Variants in PCNX2 observed in about 807,000 individuals in gnomAD.
The protein encoded by PCNX2 is pecanex-like protein 2.
A neutral mutation model predicts 223.8 loss-of-function variants in PCNX2; 168 were observed. That is an observed-to-expected ratio of 0.75 (90% CI 0.66 to 0.85). PCNX2 has a LOEUF of 0.85. Ranked by LOEUF, PCNX2 falls within the 40% of genes least tolerant of loss-of-function variation. The pLI is 0.00. For synonymous variants in PCNX2, 1,006 were observed against 1,052.6 expected, an observed-to-expected ratio of 0.96 and a Z score of 0.86; for missense variants, 2,507 against 2,675.5, an observed-to-expected ratio of 0.94 and a Z score of 1.39.
intron 25 of PCNX2, among the ~76,000 whole-genome samples, chr1:233,040,729 T>C (rs1207631782): frequency 1.2e-4 from 19 of 152,092 alleles, no homozygotes; most frequent in Non-Finnish European, 2.1e-4. Context: ...TCAATATACA[T>C]AGAGATGCTC....
the PCNX2 span, among the ~76,000 whole-genome samples, chr1:233,321,513 G>A: frequency 3.9e-5 from 6 of 152,132 alleles, no homozygotes; most frequent in Non-Finnish European, 7.3e-5. Context: ...GGCCAGGCTG[G>A]TCTGGAACTT....
intron 15 of PCNX2, among the ~76,000 whole-genome samples, chr1:233,195,808 T>C (rs1680693521): frequency 6.6e-6 from 1 of 152,202 alleles, no homozygotes. Flanking sequence ...CAATATACCA[T>C]GTTCATGGAT....
chr1:233,175,617 T>C (rs1679434384), intron 17 of PCNX2, among the ~76,000 whole-genome samples: 1 of 152,186 alleles, frequency 6.6e-6, no homozygotes, highest in African/African-American at 2.4e-5. Context: ...TGTAGGAATG[T>C]CAGTTTGACC....
chr1:233,293,209 A>G (rs1661872033), intron 1 of PCNX2, among the ~76,000 whole-genome samples: 1 of 152,328 alleles, frequency 6.6e-6, no homozygotes, highest in African/African-American at 2.4e-5. Context: ...GCAGGAACAC[A>G]ACATTAAATG....
chr1:233,225,135 AAAAT>A lies in PCNX2; in HGVS notation c.2504+2087_2504+2090del, dbSNP rs1388043073. On this transcript the variant is annotated intron_variant, in intron 10 of 33. Coordinates refer to ENST00000258229, the MANE Select transcript of PCNX2 (RefSeq NM_014801.4). ...TAAAAAAAAAAAAAAAAAAAAAAAAAAAATGTTATGTTACCTATGAACTAACAGT... is the reference window on the plus strand; with the variant it reads ...TAAAAAAAAAAAAAAAAAAAAAAAAAGTTATGTTACCTATGAACTAACAGT... Among the ~76,000 whole-genome samples the A allele has an allele frequency of 6.1e-3, 923 of 150,084 alleles. 14 individuals carry two copies. Among genetic ancestry groups the A allele is most frequent in the African/African-American group, 0.022 (870 of 40,042 alleles).
intron 22 of PCNX2, among the ~76,000 whole-genome samples, chr1:233,091,784 T>C (rs1885256): frequency 0.32 from 47,120 of 148,028 alleles, 8,668 homozygotes; most frequent in South Asian, 0.41. Context: ...TGACTTTTTT[T>C]TTTAAAACTT....
intron 9 of PCNX2, chr1:233,231,547 C>G (rs78043078): frequency 1.3e-6 from 1 of 780,754 alleles, no homozygotes; most frequent in Non-Finnish European, 1.6e-6. Context: ...AAATTATTGG[C>G]CTGTTTTCTT....
At position 233,025,289 on chromosome 1, in the gene PCNX2, C is replaced by A; in HGVS notation, c.4462G>T (p.Ala1488Ser). The change falls in exon 26 of 34, where the codon GCT (alanine) becomes TCT (serine). Residue 1488 changes from alanine (A) to serine (S), a missense_variant. Coordinates refer to ENST00000258229, the MANE Select transcript of PCNX2 (RefSeq NM_014801.4). ...GHLPHLLSCNAAFHLRWLTWE... is the reference protein window; with the variant it reads ...GHLPHLLSCNSAFHLRWLTWE... The stretch of plus-strand genomic sequence containing the variant: ...GTGAGCCAGCGGAGGTGAAAGGCAG[C>A]GTTGCAGGACAGCAGGTGAGGCAAG... 2 of 1,613,990 alleles carry A rather than the reference C, an allele frequency of 1.2e-6. No homozygotes were observed. Among genetic ancestry groups the A allele is most frequent in the African/African-American group, 1.3e-5 (1 of 75,040 alleles).
At chr1:233,194,743 G>T (rs953092622) in intron 15 of PCNX2, among the ~76,000 whole-genome samples, 1 of 152,064 alleles carries the variant, frequency 6.6e-6, no homozygotes, top group Non-Finnish European at 1.5e-5. Context: ...TAGGCTGGGG[G>T]CGGTGGCTCA....
intron 1 of PCNX2, among the ~76,000 whole-genome samples, chr1:233,263,904 G>A (rs1660193031): frequency 6.6e-6 from 1 of 152,120 alleles, no homozygotes; most frequent in South Asian, 2.1e-4. Flanking sequence ...AGAAAGGTTA[G>A]GGTAACCACT....
At chr1:233,014,639 A>T in intron 28 of PCNX2, 26 bp downstream of exon 28, 1 of 1,583,950 alleles carries the variant, frequency 6.3e-7, no homozygotes, top group Non-Finnish European at 8.7e-7. Flanking sequence ...TGTACCTAAG[A>T]GATTCTAACT....
intron 13 of PCNX2, chr1:233,201,937 G>A (rs1681139500): frequency 4.8e-6 from 1 of 206,368 alleles, no homozygotes; most frequent in African/African-American, 2.4e-5. Flanking sequence ...GGCTGTGGGT[G>A]TAGAATTGGA....
intron 23 of PCNX2, among the ~76,000 whole-genome samples, chr1:233,058,851 G>GA (rs1672297815): frequency 6.6e-6 from 1 of 151,930 alleles, no homozygotes; most frequent in South Asian, 2.1e-4. Flanking sequence ...TCTTAGTAGA[G>GA]ACGGGGTTTT....
intron 23 of PCNX2, chr1:233,086,998 A>G: frequency 1.0e-6 from 1 of 983,360 alleles, no homozygotes; most frequent in Non-Finnish European, 1.2e-6. Flanking sequence ...TAGGGTAAAA[A>G]GGCAGACAGG....
chr1:233,245,182 T>G (rs1019892166), intron 8 of PCNX2, among the ~76,000 whole-genome samples: 1 of 152,242 alleles, frequency 6.6e-6, no homozygotes, highest in Non-Finnish European at 1.5e-5. Context: ...CCCACATTTA[T>G]TGAGCACCTA....
At chr1:233,014,295 A>T (rs1670573619) in intron 28 of PCNX2, among the ~76,000 whole-genome samples, 1 of 152,100 alleles carries the variant, frequency 6.6e-6, no homozygotes. Context: ...TTATGAAGAC[A>T]ATTAGGGGAA....
chr1:233,100,908 C>A (rs1674451591), intron 21 of PCNX2, among the ~76,000 whole-genome samples: 1 of 152,190 alleles, frequency 6.6e-6, no homozygotes, highest in South Asian at 2.1e-4. Flanking sequence ...TCAGTTAGTT[C>A]TTTCTCAGCT....
chr1:233,031,679 G>A lies in PCNX2; in HGVS notation c.4352-6280C>T, dbSNP rs368568638. On this transcript the variant is annotated intron_variant, in intron 25 of 33. Transcript: ENST00000258229. ...GGTCAGGAAGGGGAAAAGCCCAGCCGGCTGCATTCATAAAAAGGGAGACAG... is the reference window on the plus strand; with the variant it reads ...GGTCAGGAAGGGGAAAAGCCCAGCCAGCTGCATTCATAAAAAGGGAGACAG... 8.5e-5 allele frequency: 78 copies of A among 922,630 alleles called. No homozygotes were observed. The South Asian group carries it at 2.8e-3, about 33-fold the overall frequency. The allele number at this position is 922,630 out of a possible 1,614,324, so 57.2% of individuals were successfully genotyped here. A position where few individuals can be genotyped will look rare whatever the true frequency, so the allele number is the denominator to read the frequency against.
At chr1:233,259,564 G>A (rs543752338) in intron 4 of PCNX2, among the ~76,000 whole-genome samples, 69 of 152,200 alleles carry the variant, frequency 4.5e-4, no homozygotes, top group African/African-American at 1.3e-3. Flanking sequence ...CTGTCAACCC[G>A]TCATCTAGGT....
Sources: gnomAD v4.1 joint callset for allele counts (sites outside exome capture counted in the v4.1 genomes callset) on GRCh38, gnomAD v4.1.1 for gene constraint, MANE v1.5 for transcripts, NCBI Gene and HGNC (gene_info 2026-07-23, HGNC 2026-07-21) for gene names.